SAMD12: variants seen among roughly 807,000 people sequenced by gnomAD.
SAMD12 encodes the protein sterile alpha motif domain-containing protein 12.
Under a neutral mutation model 15.0 loss-of-function variants are expected in SAMD12, and 9 were observed. The ratio of observed to expected loss-of-function variants is 0.60; its 90% CI spans 0.36 to 1.05. The LOEUF (loss-of-function observed/expected upper bound fraction) is 1.05, where lower values mean the gene tolerates loss of function less well. Ranked by LOEUF, SAMD12 falls within the 50% of genes least tolerant of loss-of-function variation. The pLI is 0.01. For missense variants in SAMD12, 230 were observed against 234.2 expected, an observed-to-expected ratio of 0.98 and a Z score of 0.12; for synonymous variants, 86 against 90.1, an observed-to-expected ratio of 0.96 and a Z score of 0.25.
intron 4 of SAMD12, among the ~76,000 whole-genome samples, chr8:118,358,418 G>A (rs546913576): frequency 4.6e-5 from 7 of 151,964 alleles, no homozygotes; most frequent in Non-Finnish European, 8.8e-5. Flanking sequence ...CTTTCAAATC[G>A]CATTAAGTCT....
chr8:118,438,821 AGAGT>A (rs1822650476), intron 3 of SAMD12, among the ~76,000 whole-genome samples: 1 of 152,210 alleles, frequency 6.6e-6, no homozygotes, highest in South Asian at 2.1e-4. Flanking sequence ...CTTTACCACC[AGAGT>A]GAAAGCATTT....
At chr8:118,559,408 G>A (rs551146603) in intron 2 of SAMD12, among the ~76,000 whole-genome samples, 1 of 152,196 alleles carries the variant, frequency 6.6e-6, no homozygotes, top group East Asian at 1.9e-4. Flanking sequence ...CAGCCCTCTA[G>A]CAAGGGCTCC....
chr8:118,443,339 C>A (rs747488977), intron 2 of SAMD12, among the ~76,000 whole-genome samples: 1 of 152,116 alleles, frequency 6.6e-6, no homozygotes, highest in Admixed American at 6.5e-5. Context: ...TGGCATGCAC[C>A]TGTAATCCCA....
At chr8:118,473,501 C>T (rs1823865161) in intron 2 of SAMD12, among the ~76,000 whole-genome samples, 2 of 152,148 alleles carry the variant, frequency 1.3e-5, no homozygotes, top group Non-Finnish European at 2.9e-5. Flanking sequence ...GATGTTTTCA[C>T]CAATCTTCAT....
chr8:118,382,562 T>G (rs1031177079), intron 3 of SAMD12, among the ~76,000 whole-genome samples: 1 of 152,244 alleles, frequency 6.6e-6, no homozygotes, highest in Admixed American at 6.5e-5. Context: ...GAAAATTCTG[T>G]CAGTTATAAA....
At chr8:118,388,882 G>A (rs1053792602) in intron 3 of SAMD12, among the ~76,000 whole-genome samples, 14 of 152,202 alleles carry the variant, frequency 9.2e-5, no homozygotes, top group Admixed American at 4.6e-4. Flanking sequence ...AAAGTAGGGT[G>A]AGAGGAGAAA....
intron 1 of SAMD12, among the ~76,000 whole-genome samples, chr8:118,588,606 G>A (rs1167451953): frequency 2.6e-5 from 4 of 152,230 alleles, no homozygotes; most frequent in Admixed American, 1.3e-4. Context: ...GCAGCAGTGA[G>A]TAACTGTGAC....
At chr8:118,191,481 CA>C (rs1038605808) in exon 5 of SAMD12, 12 of 151,726 alleles carry the variant, frequency 7.9e-5, no homozygotes, top group Non-Finnish European at 1.5e-4. Flanking sequence ...AGGGTTTCAG[CA>C]TTCAAACATG....
At chr8:118,570,848 C>T (rs564549157) in intron 2 of SAMD12, among the ~76,000 whole-genome samples, 1 of 152,264 alleles carries the variant, frequency 6.6e-6, no homozygotes, top group Admixed American at 6.5e-5. Flanking sequence ...CTTTCCCATG[C>T]TGTTCTTGTG....
chr8:118,490,184 A>T (rs1824403409), intron 2 of SAMD12, among the ~76,000 whole-genome samples: 1 of 152,190 alleles, frequency 6.6e-6, no homozygotes, highest in Non-Finnish European at 1.5e-5. Context: ...TATGAGAGTC[A>T]CGTAACTTTC....
Position 118,514,917 on chromosome 8 carries a change from T to C in SAMD12, c.192+65798A>G, listed in dbSNP as rs530378452. On this transcript the variant is annotated intron_variant, in intron 2 of 3. Transcript: ENST00000314727. ...TCCCAATGTTGGAGGAAGGTCCTGG[T>C]GGGAGGTGATTGGATCATGCGAACA... 9.8e-5 allele frequency among the ~76,000 whole-genome samples: 15 copies of C among 152,334 alleles called. No individual in the cohort carries two copies. In the South Asian group the frequency reaches 2.7e-3, roughly 27 times the overall value.
chr8:118,480,000 C>T (rs1301783570), intron 2 of SAMD12, among the ~76,000 whole-genome samples: 1 of 152,102 alleles, frequency 6.6e-6, no homozygotes, highest in African/African-American at 2.4e-5. Flanking sequence ...AAGATCTTTG[C>T]AGAATCTAAA....
chr8:118,439,017 T>C (rs1467217109), intron 3 of SAMD12, among the ~76,000 whole-genome samples: 3 of 152,074 alleles, frequency 2.0e-5, no homozygotes, highest in African/African-American at 4.8e-5. Context: ...GCAGGCAAGG[T>C]CTGGAAAAGC....
chr8:118,486,232 G>T (rs1023296572), intron 2 of SAMD12, among the ~76,000 whole-genome samples: 3 of 151,054 alleles, frequency 2.0e-5, no homozygotes, highest in Non-Finnish European at 4.4e-5. Flanking sequence ...GGCTAACACG[G>T]TGAAACTCCG....
At chr8:118,469,064 T>C (rs1823683180) in intron 2 of SAMD12, among the ~76,000 whole-genome samples, 1 of 152,142 alleles carries the variant, frequency 6.6e-6, no homozygotes, top group African/African-American at 2.4e-5. Flanking sequence ...TTTCTGCCTG[T>C]CCACTAGCAG....
chr8:118,187,110 A>G (rs1379266486), downstream of SAMD12, among the ~76,000 whole-genome samples: 1 of 152,132 alleles, frequency 6.6e-6, no homozygotes, highest in African/African-American at 2.4e-5. Context: ...GAAAAATAGA[A>G]CCCTGTCAAC....
intron 1 of SAMD12, among the ~76,000 whole-genome samples, chr8:118,596,057 G>T (rs1455586434): frequency 6.6e-6 from 1 of 152,192 alleles, no homozygotes; most frequent in East Asian, 1.9e-4. Flanking sequence ...TTATGTACTT[G>T]TGATAACCAG....
At chr8:118,228,316 A>T (rs1192710751) in intron 4 of SAMD12, among the ~76,000 whole-genome samples, 1 of 152,224 alleles carries the variant, frequency 6.6e-6, no homozygotes, top group African/African-American at 2.4e-5. Flanking sequence ...TTTCCATGGC[A>T]AAAGGAACAG....
intron 2 of SAMD12, among the ~76,000 whole-genome samples, chr8:118,473,103 GGT>G (rs1823852151): frequency 6.6e-6 from 1 of 152,116 alleles, no homozygotes; most frequent in Non-Finnish European, 1.5e-5. Context: ...GAGAGGCCAA[GGT>G]ATGTCGCTCC....
Sources: allele counts gnomAD v4.1 joint callset (sites outside exome capture counted in the v4.1 genomes callset), GRCh38; gene constraint gnomAD v4.1.1; transcripts MANE v1.5; gene names NCBI Gene and HGNC (gene_info 2026-07-23, HGNC 2026-07-21).